Variants in PRLR observed in about 807,000 individuals in gnomAD.
The protein encoded by PRLR is prolactin receptor, also known as hPRL receptor.
Under a neutral mutation model 40.2 loss-of-function variants are expected in PRLR, and 13 were observed. The observed-to-expected ratio is 0.32, with a 90% CI of 0.21 to 0.51. PRLR has a LOEUF of 0.51. Among genes scored for constraint, PRLR ranks in the 20% least tolerant of loss-of-function variants. The probability of loss-of-function intolerance (pLI) is 0.97; values close to 1 mark genes in which losing one functional copy is unlikely to be tolerated. For missense variants in PRLR, 656 were observed against 747.3 expected, an observed-to-expected ratio of 0.88 and a Z score of 1.42; for synonymous variants, 269 against 278.7, an observed-to-expected ratio of 0.97 and a Z score of 0.35.
In PRLR at chr5:35,089,107, C is replaced by T. The variant is rs139987941; in HGVS notation, c.70+444G>A. ...AATAGAGTCGGCTGTACCTGCTTCC[C>T]GCCATGTAACAGCAACCTCTTATAT... is the stretch of plus-strand genomic sequence containing the variant. On this transcript the variant is annotated intron_variant, in intron 3 of 9. Transcript: ENST00000618457. Among the ~76,000 whole-genome samples, 346 of 152,300 alleles carry T rather than the reference C, an allele frequency of 2.3e-3. 7 individuals carry two copies. The highest frequency in any genetic ancestry group is 0.021 in the Admixed American group (318 of 15,296).
Position 35,055,919 on chromosome 5 carries a change from A to G in PRLR, c.*9170T>C, listed in dbSNP as rs1024329762. The G allele has an allele frequency of 6.6e-6, 1 of 152,228 alleles. No homozygotes were observed. Among genetic ancestry groups the G allele is most frequent in the Non-Finnish European group, 1.5e-5 (1 of 68,040 alleles). The allele number at this position is 152,228 out of a possible 1,614,324, so 9.4% of individuals were successfully genotyped here. ...ATAAGGAGCAAATGTGTCACCTTAA[A>G]AATGTACCAGTGGCATTTACAAATT... On this transcript the variant is annotated 3_prime_UTR_variant, in exon 10 of 10. Transcript: ENST00000618457.
downstream of PRLR, among the ~76,000 whole-genome samples, chr5:35,053,702 C>A (rs556988890): frequency 4.6e-5 from 7 of 152,250 alleles, no homozygotes; most frequent in East Asian, 1.4e-3. Context: ...ATACCATGTT[C>A]AAGATTAGGA....
At chr5:35,120,823 G>A (rs906448007) in intron 1 of PRLR, among the ~76,000 whole-genome samples, 6 of 152,198 alleles carry the variant, frequency 3.9e-5, no homozygotes, top group African/African-American at 1.4e-4. Context: ...GTCACATAAA[G>A]CAGAAGTTGA....
At position 35,167,855 on chromosome 5, in the gene PRLR, T is replaced by G. The variant is rs549265591; in HGVS notation, c.-105-49733A>C. 8.2e-3 allele frequency among the ~76,000 whole-genome samples: 1,124 copies of G among 136,640 alleles called. 12 individuals are homozygous for G. The highest frequency in any genetic ancestry group is 0.031 in the African/African-American group (1,093 of 35,610). The allele number at this position is 136,640 out of a possible 152,430, so 89.6% of individuals were successfully genotyped here. A position where few individuals can be genotyped will look rare whatever the true frequency, so the allele number is the denominator to read the frequency against. ...TTTAAAAATTGTCATTGTTTAAAAT[T>G]TTTATAAAGCAGGGATTAAAATAGA... is the stretch of plus-strand genomic sequence containing the variant. On this transcript the variant is annotated intron_variant, in intron 1 of 9. Transcript: ENST00000618457.
At chr5:35,175,943 T>C (rs757239679) in intron 1 of PRLR, among the ~76,000 whole-genome samples, 34 of 152,226 alleles carry the variant, frequency 2.2e-4, no homozygotes, top group Middle Eastern at 3.2e-3. Flanking sequence ...ACAGCTATTG[T>C]TAACATTTGG....
At chr5:35,077,676 C>A (rs1423716799) in intron 5 of PRLR, among the ~76,000 whole-genome samples, 4 of 152,234 alleles carry the variant, frequency 2.6e-5, no homozygotes, top group Non-Finnish European at 4.4e-5. Context: ...ATATCCAGGA[C>A]TTGAACTCAG....
chr5:35,131,548 C>T (rs541334266), intron 1 of PRLR, among the ~76,000 whole-genome samples: 1 of 152,170 alleles, frequency 6.6e-6, no homozygotes, highest in Non-Finnish European at 1.5e-5. Context: ...GCAACCTCAG[C>T]CTGGCAACCT....
chr5:35,174,503 C>A (rs892649466), intron 1 of PRLR, among the ~76,000 whole-genome samples: 1 of 152,240 alleles, frequency 6.6e-6, no homozygotes, highest in Non-Finnish European at 1.5e-5. Flanking sequence ...TGCTGATAGA[C>A]AACAAAGTGT....
At chr5:35,117,231 G>T (rs931613082) in intron 2 of PRLR, among the ~76,000 whole-genome samples, 4 of 152,216 alleles carry the variant, frequency 2.6e-5, no homozygotes, top group African/African-American at 4.8e-5. Context: ...CTCTCAAGGG[G>T]CTATCATGTT....
chr5:35,080,489 G>A (rs991840306), intron 5 of PRLR, among the ~76,000 whole-genome samples: 1 of 152,268 alleles, frequency 6.6e-6, no homozygotes, highest in African/African-American at 2.4e-5. Flanking sequence ...AAACCACAAT[G>A]AGATATCATC....
chr5:35,107,522 C>T (rs1367384306), intron 2 of PRLR, among the ~76,000 whole-genome samples: 2 of 151,796 alleles, frequency 1.3e-5, no homozygotes, highest in Non-Finnish European at 2.9e-5. Flanking sequence ...CAAATAGATG[C>T]AATAAAAAAT....
chr5:35,083,439 CCT>C (rs201529932), intron 5 of PRLR, among the ~76,000 whole-genome samples: 33 of 133,464 alleles, frequency 2.5e-4, no homozygotes, highest in African/African-American at 9.1e-4. Flanking sequence ...TCTCTCTCTT[CCT>C]CTCTCTCTGT....
At chr5:35,176,810 G>A (rs1217563630) in intron 1 of PRLR, among the ~76,000 whole-genome samples, 1 of 152,188 alleles carries the variant, frequency 6.6e-6, no homozygotes, top group Admixed American at 6.5e-5. Flanking sequence ...CCCGTAAAGG[G>A]TCTGTGCTGA....
chr5:35,165,151 G>T (rs929271915), intron 1 of PRLR, among the ~76,000 whole-genome samples: 9 of 152,110 alleles, frequency 5.9e-5, no homozygotes, highest in African/African-American at 2.2e-4. Context: ...CTTTTCTTGG[G>T]ATCAAAAATT....
At chr5:35,066,759 C>A (rs779082421) in intron 9 of PRLR, among the ~76,000 whole-genome samples, 2 of 135,518 alleles carry the variant, frequency 1.5e-5, no homozygotes, top group Non-Finnish European at 3.1e-5. Flanking sequence ...TCACTCTTGC[C>A]TCTTTTTTTT....
exon 9 of PRLR, chr5:35,049,324 G>T (rs866686497): frequency 1.4e-6 from 1 of 703,246 alleles, no homozygotes; most frequent in Admixed American, 2.0e-5. Context: ...TGTGAACACC[G>T]CAAGTCTTCC....
rs1769257152 is a variant in PRLR at position 35,064,912 on chromosome 5, A to G, written c.*177T>C. On this transcript the variant is annotated 3_prime_UTR_variant, in exon 10 of 10. Transcript: ENST00000618457. ...CTACAAATCACAGTTAGGAAACATAATGATTTGTTCTGGAATCAGCTGCTG... is the reference window on the plus strand; with the variant it reads ...CTACAAATCACAGTTAGGAAACATAGTGATTTGTTCTGGAATCAGCTGCTG... 1 of 665,954 alleles carries G rather than the reference A, an allele frequency of 1.5e-6. No individual in the cohort carries two copies. Among genetic ancestry groups the G allele is most frequent in the Non-Finnish European group, 2.5e-6 (1 of 401,684 alleles). The allele number at this position is 665,954 out of a possible 1,614,324, so 41.3% of individuals were successfully genotyped here. A position where few individuals can be genotyped will look rare whatever the true frequency, so the allele number is the denominator to read the frequency against.
At chr5:35,101,532 C>A (rs954805408) in intron 2 of PRLR, among the ~76,000 whole-genome samples, 1 of 152,098 alleles carries the variant, frequency 6.6e-6, no homozygotes, top group African/African-American at 2.4e-5. Flanking sequence ...ACTTCAAGAA[C>A]TGGGACAACC....
At chr5:35,100,432 C>T (rs571191503) in intron 2 of PRLR, among the ~76,000 whole-genome samples, 184 of 152,130 alleles carry the variant, frequency 1.2e-3, no homozygotes, top group African/African-American at 4.1e-3. Flanking sequence ...TGGTAAGTAC[C>T]CTTTACAGGT....
Sources: gnomAD v4.1 joint callset for allele counts (sites outside exome capture counted in the v4.1 genomes callset) on GRCh38, gnomAD v4.1.1 for gene constraint, MANE v1.5 for transcripts, NCBI Gene and HGNC (gene_info 2026-07-23, HGNC 2026-07-21) for gene names.